Variants in SIKE1 observed in about 807,000 individuals in gnomAD.
The protein encoded by SIKE1 is suppressor of IKBKE 1.
Under a neutral mutation model 25.8 loss-of-function variants are expected in SIKE1, and 13 were observed. The observed-to-expected ratio is 0.50, with a 90% CI of 0.33 to 0.80. SIKE1 has a LOEUF of 0.80. Among genes scored for constraint, SIKE1 ranks in the 30% least tolerant of loss-of-function variants. The pLI, the probability that SIKE1 is intolerant of heterozygous loss-of-function variation, is 0.02. For missense variants in SIKE1, 222 were observed against 252.4 expected, an observed-to-expected ratio of 0.88 and a Z score of 0.82; for synonymous variants, 86 against 95.5, an observed-to-expected ratio of 0.90 and a Z score of 0.58.
In SIKE1 at chr1:114,773,574, A is replaced by T. The variant is rs1296555073; in HGVS notation, c.*697T>A. ...TAAGTGCACATGTGTGCATTCACATACACAGGACAAGCTCCTCAGCTTTGA... is the reference window on the plus strand; with the variant it reads ...TAAGTGCACATGTGTGCATTCACATTCACAGGACAAGCTCCTCAGCTTTGA... On this transcript the variant is annotated 3_prime_UTR_variant, in exon 5 of 5. Coordinates refer to ENST00000060969, the MANE Select transcript of SIKE1 (RefSeq NM_025073.3). 2 of 152,624 alleles carry T rather than the reference A, an allele frequency of 1.3e-5. No individual in the cohort carries two copies. Among genetic ancestry groups the T allele is most frequent in the Non-Finnish European group, 2.9e-5 (2 of 68,040 alleles). 9.5% of individuals were successfully genotyped at this position (152,624 alleles called of 1,614,324 possible).
At chr1:114,778,896 A>AACAG in intron 3 of SIKE1, 4 of 496,784 alleles carry the variant, frequency 8.1e-6, no homozygotes, top group Non-Finnish European at 1.4e-5. Context: ...CAAACAAACA[A>AACAG]CCCCACAAAA....
Position 114,769,840 on chromosome 1 carries a change from G to C in SIKE1, c.*4431C>G, listed in dbSNP as rs1203323253. ...CACTCATAATGTTATTCTTAAGTTA[G>C]GTGATGAGTTATTATGCTTGATAAT... On this transcript the variant is annotated 3_prime_UTR_variant, in exon 5 of 5. Transcript: ENST00000060969. 6.6e-6 allele frequency: 1 copy of C among 152,082 alleles called. No individual in the cohort carries two copies. The highest frequency in any genetic ancestry group is 2.4e-5 in the African/African-American group (1 of 41,416). The allele number at this position is 152,082 out of a possible 1,614,324, so 9.4% of individuals were successfully genotyped here.
rs903006899 is a variant in SIKE1 at position 114,771,378 on chromosome 1, C to T, written c.*2893G>A. 2.6e-5 allele frequency: 4 copies of T among 152,164 alleles called. No homozygotes were observed. Among genetic ancestry groups the T allele is most frequent in the African/African-American group, 4.8e-5 (2 of 41,444 alleles). 9.4% of individuals were successfully genotyped at this position (152,164 alleles called of 1,614,324 possible). ...AATCAAGAACCACTTGAACTCCCAACAGTATTTGGCATTTAGGCATCTCAA... is the reference window on the plus strand; with the variant it reads ...AATCAAGAACCACTTGAACTCCCAATAGTATTTGGCATTTAGGCATCTCAA... On this transcript the variant is annotated 3_prime_UTR_variant, in exon 5 of 5. Coordinates refer to ENST00000060969, the MANE Select transcript of SIKE1 (RefSeq NM_025073.3).
intron 4 of SIKE1, among the ~76,000 whole-genome samples, chr1:114,775,950 T>C (rs72996447): frequency 0.029 from 4,472 of 152,332 alleles, 134 homozygotes; most frequent in African/African-American, 0.078. Context: ...TTAACACTTT[T>C]ATCTATTTCT....
rs529740963 is a variant in SIKE1 at position 114,770,653 on chromosome 1, G to A, written c.*3618C>T. ...AGAAATGCTCTGCCTCATTAGGTGAGGGATTCCTTAAACACAGGAGTTAGG... is the reference window on the plus strand; with the variant it reads ...AGAAATGCTCTGCCTCATTAGGTGAAGGATTCCTTAAACACAGGAGTTAGG... On this transcript the variant is annotated 3_prime_UTR_variant, in exon 5 of 5. Transcript: ENST00000060969. The A allele has an allele frequency of 6.6e-6, 1 of 152,310 alleles. No homozygotes were observed. Among genetic ancestry groups the A allele is most frequent in the South Asian group, 2.1e-4 (1 of 4,828 alleles). The allele number at this position is 152,310 out of a possible 1,614,324, so 9.4% of individuals were successfully genotyped here.
chr1:114,779,038 CAA>C, intron 3 of SIKE1, 102 bp downstream of exon 3: 1 of 1,402,228 alleles, frequency 7.1e-7, no homozygotes, highest in Non-Finnish European at 9.9e-7. Flanking sequence ...GCCTGGTCGA[CAA>C]GAGCCAGACC....
chr1:114,775,415 T>A (rs1662183892), intron 4 of SIKE1, among the ~76,000 whole-genome samples: 1 of 152,126 alleles, frequency 6.6e-6, no homozygotes, highest in African/African-American at 2.4e-5. Context: ...TGGGCAGGTA[T>A]CTGTTTTTTT....
chr1:114,777,564 G>T (rs1269723134), intron 3 of SIKE1, among the ~76,000 whole-genome samples: 1 of 152,108 alleles, frequency 6.6e-6, no homozygotes, highest in Non-Finnish European at 1.5e-5. Flanking sequence ...TGCCTTCCAA[G>T]ATTTCAAAGG....
chr1:114,776,004 C>T (rs781086942), intron 4 of SIKE1, among the ~76,000 whole-genome samples: 1 of 152,120 alleles, frequency 6.6e-6, no homozygotes, highest in Non-Finnish European at 1.5e-5. Context: ...GCTTATACTG[C>T]TATTTCCTGA....
chr1:114,777,987 T>C (rs902807772), intron 3 of SIKE1, among the ~76,000 whole-genome samples: 1 of 152,256 alleles, frequency 6.6e-6, no homozygotes, highest in Non-Finnish European at 1.5e-5. Flanking sequence ...TTTATCTATC[T>C]GAGTAAACTC....
chr1:114,779,962 C>T (rs1662354346), intron 2 of SIKE1, 148 bp downstream of exon 2: 1 of 611,470 alleles, frequency 1.6e-6, no homozygotes, highest in Non-Finnish European at 2.9e-6. Context: ...AAAGGGTAAT[C>T]TAACAAACTT....
Position 114,776,647 on chromosome 1 carries a change from TA to T in SIKE1, c.409-189del, listed in dbSNP as rs901295200. Reference sequence around the variant, plus strand: ...AGTAAAGTGACCTTGTATTCACGGATATTTTTTTTTTTTTCTTTCAAAAAAT... The same window carrying T: ...AGTAAAGTGACCTTGTATTCACGGATTTTTTTTTTTTTTCTTTCAAAAAAT... On this transcript the variant is annotated intron_variant, in intron 3 of 4. Coordinates refer to ENST00000060969, the MANE Select transcript of SIKE1 (RefSeq NM_025073.3). Among the ~76,000 whole-genome samples the T allele has an allele frequency of 2.6e-4, 31 of 120,636 alleles. 1 individual carries two copies. The highest frequency in any genetic ancestry group is 1.2e-3 in the South Asian group (5 of 4,136). 79.1% of individuals were successfully genotyped at this position (120,636 alleles called of 152,430 possible). A position where few individuals can be genotyped will look rare whatever the true frequency, so the allele number is the denominator to read the frequency against.
Position 114,771,351 on chromosome 1 carries a change from C to T in SIKE1, c.*2920G>A, listed in dbSNP as rs1312339587. The T allele has an allele frequency of 1.3e-5, 2 of 152,134 alleles. No homozygotes were observed. The highest frequency in any genetic ancestry group is 1.3e-4 in the Admixed American group (2 of 15,274). The allele number at this position is 152,134 out of a possible 1,614,324, so 9.4% of individuals were successfully genotyped here. On this transcript the variant is annotated 3_prime_UTR_variant, in exon 5 of 5. Coordinates refer to ENST00000060969, the MANE Select transcript of SIKE1 (RefSeq NM_025073.3). ...TTTGCACTAATAAAAATAGATTTTG[C>T]TAATCAAGAACCACTTGAACTCCCA... is the stretch of plus-strand genomic sequence containing the variant.
chr1:114,780,182 A>C lies in SIKE1; in HGVS notation c.193T>G (p.Ser65Ala). 1 of 1,613,936 alleles carries C rather than the reference A, an allele frequency of 6.2e-7. No homozygotes were observed. Among genetic ancestry groups the C allele is most frequent in the Non-Finnish European group, 8.5e-7 (1 of 1,179,900 alleles). The change falls in exon 2 of 5, where the codon TCC (serine) becomes GCC (alanine). Residue 65 changes from serine to alanine, a missense_variant. Physicochemically the swap from Ser to Ala is moderately conservative, Grantham distance 99. Coordinates refer to ENST00000060969, the MANE Select transcript of SIKE1 (RefSeq NM_025073.3). ...AGCAGAATGTGAGGTTTGTATTTGGACATGTCCTTCATATCGGATGCATCC... is the reference window on the plus strand; with the variant it reads ...AGCAGAATGTGAGGTTTGTATTTGGCCATGTCCTTCATATCGGATGCATCC... ...QEDASDMKDM[S>A]KYKPHILLSQ...
chr1:114,778,254 A>G (rs1004835150), intron 3 of SIKE1, among the ~76,000 whole-genome samples: 6 of 152,200 alleles, frequency 3.9e-5, no homozygotes, highest in African/African-American at 2.4e-5. Context: ...GCACCTATAA[A>G]CATAAGAACA....
chr1:114,773,173 C>T lies in SIKE1; in HGVS notation c.*1098G>A, dbSNP rs1398668021. ...GACGGGAATGAGTTGATGAGTGAAC[C>T]CAGTTGACCACTGGGCATTTGAATC... is the stretch of plus-strand genomic sequence containing the variant. On this transcript the variant is annotated 3_prime_UTR_variant, in exon 5 of 5. Coordinates refer to ENST00000060969, the MANE Select transcript of SIKE1 (RefSeq NM_025073.3). 6.6e-6 allele frequency: 1 copy of T among 151,758 alleles called. No homozygotes were observed. Among genetic ancestry groups the T allele is most frequent in the Admixed American group, 6.6e-5 (1 of 15,214 alleles). The allele number at this position is 151,758 out of a possible 1,614,324, so 9.4% of individuals were successfully genotyped here.
chr1:114,778,956 C>T (rs1052058579), intron 3 of SIKE1, 186 bp downstream of exon 3: 5 of 629,452 alleles, frequency 7.9e-6, no homozygotes, highest in Non-Finnish European at 1.4e-5. Flanking sequence ...GCTCCGGAGG[C>T]AGAGGTGAGA....
chr1:114,775,503 CTTTTTTTTTT>C (rs35490891), intron 4 of SIKE1, among the ~76,000 whole-genome samples: 2 of 122,606 alleles, frequency 1.6e-5, no homozygotes, highest in Admixed American at 1.6e-4. Flanking sequence ...AAATGCTTTG[CTTTTTTTTTT>C]TTTTTTTTGA....
At chr1:114,779,026 C>G (rs1325224955) in intron 3 of SIKE1, 116 bp downstream of exon 3, 1 of 1,268,060 alleles carries the variant, frequency 7.9e-7, no homozygotes, top group Non-Finnish European at 1.1e-6. Context: ...CATTACACCA[C>G]GGCCTGGTCG....
Sources: gnomAD v4.1 joint callset for allele counts (sites outside exome capture counted in the v4.1 genomes callset) on GRCh38, gnomAD v4.1.1 for gene constraint, MANE v1.5 for transcripts, NCBI Gene and HGNC (gene_info 2026-07-23, HGNC 2026-07-21) for gene names.